Variants in GCM1 observed in about 807,000 individuals in gnomAD.
GCM1 encodes the protein GCM transcription factor 1.
In GCM1, 2 loss-of-function variants were observed where a neutral mutation model predicts 25.7. The observed-to-expected ratio is 0.08, with a 90% CI of 0.03 to 0.24. The LOEUF (loss-of-function observed/expected upper bound fraction) is 0.24. Among genes scored for constraint, GCM1 ranks in the 10% least tolerant of loss-of-function variants. The pLI, the probability that GCM1 is intolerant of heterozygous loss-of-function variation, is 1.00. For synonymous variants in GCM1, 183 were observed against 195.7 expected, an observed-to-expected ratio of 0.94 and a Z score of 0.54; for missense variants, 395 against 538.7, an observed-to-expected ratio of 0.73 and a Z score of 2.64.
chr6:53,145,413 C>G (rs1445768153), intron 2 of GCM1, 145 bp downstream of exon 2: 1 of 661,398 alleles, frequency 1.5e-6, no homozygotes, highest in Non-Finnish European at 2.7e-6. Context: ...CTTAAAATCC[C>G]TCAGTCGGCT....
chr6:53,128,842 G>A lies in GCM1; in HGVS notation c.675C>T (p.Asn225=), dbSNP rs1475550428. Residue 225 remains asparagine (N), a synonymous_variant, in exon 6 of 6, where the codon AAC becomes AAT. Coordinates refer to ENST00000259803, the MANE Select transcript of GCM1 (RefSeq NM_003643.4). The part of the protein sequence containing the change: ...PGSYSGHLIA[N]TPQQNSLNDC... ...CATTTAGTGAGTTCTGCTGAGGAGT[G>A]TTAGCTATTAAATGTCCACTGTAAC... 1.9e-6 allele frequency: 3 copies of A among 1,613,006 alleles called. No individual in the cohort carries two copies. The highest frequency in any genetic ancestry group is 2.5e-6 in the Non-Finnish European group (3 of 1,179,056).
In GCM1 at chr6:53,128,927, T is replaced by C; in HGVS notation, c.590A>G (p.Gln197Arg). The change falls in exon 6 of 6, where the codon CAA (glutamine) becomes CGA (arginine). Residue 197 changes from glutamine to arginine, a missense_variant. By Grantham distance (43) the Gln-to-Arg change is conservative. This residue lies in a region of GCM1 where 291 missense variants were observed against 314.6 expected (regional missense o/e 0.92). Coordinates refer to ENST00000259803, the MANE Select transcript of GCM1 (RefSeq NM_003643.4). ...AGTTAAAGGTAAACTCCCCTGACTT[T>C]GTGTTTCACCTGGAAGAGACTGGAA... The part of the protein sequence containing the change: ...TETRSLPGET[Q>R]SQGSLPLTWS... The C allele has an allele frequency of 6.2e-7, 1 of 1,613,372 alleles. No individual in the cohort carries two copies. The highest frequency in any genetic ancestry group is 8.5e-7 in the Non-Finnish European group (1 of 1,179,576).
At chr6:53,144,972 A>AAAG (rs369846842) in intron 2 of GCM1, among the ~76,000 whole-genome samples, 1 of 100,662 alleles carries the variant, frequency 9.9e-6, no homozygotes, top group Admixed American at 8.6e-5. Flanking sequence ...AGAAAGAAAG[A>AAAG]AAATGAAAAG....
At chr6:53,143,496 G>T (rs1763909704) in intron 2 of GCM1, among the ~76,000 whole-genome samples, 2 of 152,142 alleles carry the variant, frequency 1.3e-5, no homozygotes, top group Admixed American at 6.5e-5. Context: ...ACATTGTAAA[G>T]TCTTCTACAT....
rs1179429744 is a variant in GCM1 at position 53,145,715 on chromosome 6, T to C, written c.-83A>G. The stretch of plus-strand genomic sequence containing the variant: ...GAATTTTGTTCTCAAAGGTTCTTGA[T>C]ATAGCTGGATCGGCCCACTCAAGCA... On this transcript the variant is annotated 5_prime_UTR_variant, in exon 2 of 6. In the 5' UTR this introduces an upstream ATG that the reference lacks. Coordinates refer to ENST00000259803, the MANE Select transcript of GCM1 (RefSeq NM_003643.4). The C allele has an allele frequency of 3.0e-5, 24 of 796,218 alleles. No homozygotes were observed. Among genetic ancestry groups the C allele is most frequent in the Non-Finnish European group, 4.2e-5 (19 of 454,480 alleles). 49.3% of individuals were successfully genotyped at this position (796,218 alleles called of 1,614,324 possible).
At chr6:53,136,595 G>GT (rs1394679546) in intron 2 of GCM1, among the ~76,000 whole-genome samples, 2 of 152,174 alleles carry the variant, frequency 1.3e-5, no homozygotes, top group African/African-American at 4.8e-5. Context: ...CAATGTGGTT[G>GT]TAAGAGTCAC....
rs1464078818 is a variant in GCM1, at chr6:53,128,027, T to TC, written c.*178dup. ...CTGGGCAAAAGAGCAAGACTCTGTCTCAAAAAAAAAAAAAAAAAAAAAAAA... is the reference window on the plus strand; with the variant it reads ...CTGGGCAAAAGAGCAAGACTCTGTCTCCAAAAAAAAAAAAAAAAAAAAAAAA... On this transcript the variant is annotated 3_prime_UTR_variant, in exon 6 of 6. Transcript: ENST00000259803. 8 of 98,306 alleles carry TC rather than the reference T, an allele frequency of 8.1e-5. No individual in the cohort carries two copies. Among genetic ancestry groups the TC allele is most frequent in the Non-Finnish European group, 6.3e-5 (4 of 63,414 alleles). The allele number at this position is 98,306 out of a possible 1,614,324, so 6.1% of individuals were successfully genotyped here. A position where few individuals can be genotyped will look rare whatever the true frequency, so the allele number is the denominator to read the frequency against.
Position 53,128,920 on chromosome 6 carries a change from C to T in GCM1, c.597G>A (p.Gln199=), listed in dbSNP as rs753881228. The T allele has an allele frequency of 6.2e-7, 1 of 1,613,428 alleles. No homozygotes were observed. Among genetic ancestry groups the T allele is most frequent in the Non-Finnish European group, 8.5e-7 (1 of 1,179,514 alleles). ...TRSLPGETQS[Q]GSLPLTWSFQ... ...AAGACCAAGTTAAAGGTAAACTCCCCTGACTTTGTGTTTCACCTGGAAGAG... is the reference window on the plus strand; with the variant it reads ...AAGACCAAGTTAAAGGTAAACTCCCTTGACTTTGTGTTTCACCTGGAAGAG... Residue 199 remains glutamine, a synonymous_variant, in exon 6 of 6, where the codon CAG becomes CAA. Coordinates refer to ENST00000259803, the MANE Select transcript of GCM1 (RefSeq NM_003643.4).
Position 53,130,940 on chromosome 6 carries a change from A to G in GCM1, c.442-9T>C, listed in dbSNP as rs1265285718. ...TCATGCTCTCCCTTTGACTTAAATGAGACAAGGAAGTAGAAAGGAAATGAT... is the reference window on the plus strand; with the variant it reads ...TCATGCTCTCCCTTTGACTTAAATGGGACAAGGAAGTAGAAAGGAAATGAT... On this transcript the variant is annotated splice_polypyrimidine_tract_variant and intron_variant, in intron 4 of 5. Coordinates refer to ENST00000259803, the MANE Select transcript of GCM1 (RefSeq NM_003643.4). 1 of 1,611,056 alleles carries G rather than the reference A, an allele frequency of 6.2e-7. No homozygotes were observed. The highest frequency in any genetic ancestry group is 2.2e-5 in the East Asian group (1 of 44,872).
chr6:53,147,828 A>G (rs538947848), intron 1 of GCM1, among the ~76,000 whole-genome samples: 95 of 152,358 alleles, frequency 6.2e-4, no homozygotes, highest in Non-Finnish European at 1.2e-3. Context: ...TGACCTGAAC[A>G]TAAGAATGAA....
chr6:53,129,712 T>C (rs943761658), intron 5 of GCM1, among the ~76,000 whole-genome samples: 1 of 152,244 alleles, frequency 6.6e-6, no homozygotes, highest in Non-Finnish European at 1.5e-5. Flanking sequence ...TTCTATTTCT[T>C]AGTGCTGGTT....
intron 5 of GCM1, among the ~76,000 whole-genome samples, chr6:53,130,219 T>C (rs1763704593): frequency 6.6e-6 from 1 of 152,138 alleles, no homozygotes; most frequent in South Asian, 2.1e-4. Context: ...AGAAAAAGTA[T>C]AGGAACTACT....
intron 4 of GCM1, 33 bp downstream of exon 4, chr6:53,131,974 G>GA: frequency 8.3e-7 from 1 of 1,198,942 alleles, no homozygotes; most frequent in East Asian, 2.3e-5. Flanking sequence ...CCTCAGTAAT[G>GA]AAACTCTCAC....
At chr6:53,148,265 A>G (rs2127511992) in intron 1 of GCM1, among the ~76,000 whole-genome samples, 1 of 152,348 alleles carries the variant, frequency 6.6e-6, no homozygotes, top group African/African-American at 2.4e-5. Flanking sequence ...AAATTTTGTT[A>G]TAACTAATTG....
At chr6:53,129,493 C>T (rs1002033508) in intron 5 of GCM1, among the ~76,000 whole-genome samples, 2 of 152,152 alleles carry the variant, frequency 1.3e-5, no homozygotes, top group Non-Finnish European at 2.9e-5. Flanking sequence ...AGGCTGGTCT[C>T]GAACTCCTGA....
At position 53,130,819 on chromosome 6, in the gene GCM1, C is replaced by G. The variant is rs377606528; in HGVS notation, c.554G>C (p.Gly185Ala). ...AAGGATTACCCTGGTCTCTGTGCTC[C>G]CCTTCAGGCTCAATGAGACGGAGGA... ...APSSVSLSLK[G>A]STETRSLPGE... Residue 185 changes from glycine to alanine, a missense_variant, in exon 5 of 6, where the codon GGG (glycine) becomes GCG (alanine). Physicochemically the swap from Gly to Ala is moderately conservative, Grantham distance 60. Coordinates refer to ENST00000259803, the MANE Select transcript of GCM1 (RefSeq NM_003643.4). The G allele has an allele frequency of 6.8e-6, 11 of 1,613,806 alleles. 1 individual carries two copies. The highest frequency in any genetic ancestry group is 2.2e-5 in the South Asian group (2 of 91,066).
chr6:53,145,104 T>A (rs891029419), intron 2 of GCM1, among the ~76,000 whole-genome samples: 3 of 152,110 alleles, frequency 2.0e-5, no homozygotes, highest in Non-Finnish European at 4.4e-5. Context: ...AAGAGCATGC[T>A]GTATTCCACA....
chr6:53,134,150 G>C lies in GCM1; in HGVS notation c.250C>G (p.Arg84Gly). ...KSCLGVVVCG[R>G]DCLAEEGRKI... ...CGCCCCTCCTCTGCGAGACAGTCGC[G>C]GCCGCACACCACCACACCCAGGCAG... Residue 84 changes from arginine to glycine, a missense_variant, in exon 3 of 6, where the codon CGC becomes GGC. By Grantham distance (125) the Arg-to-Gly change is moderately radical. Around this residue, in one of 5 missense-constraint regions of GCM1, gnomAD observed 21 missense variants for 22.9 expected, o/e 0.92. Transcript: ENST00000259803. The C allele has an allele frequency of 9.3e-6, 15 of 1,614,054 alleles. No homozygotes were observed. Among genetic ancestry groups the C allele is most frequent in the Non-Finnish European group, 1.3e-5 (15 of 1,179,994 alleles).
At chr6:53,142,544 A>T (rs1029727882) in intron 2 of GCM1, among the ~76,000 whole-genome samples, 4 of 152,172 alleles carry the variant, frequency 2.6e-5, no homozygotes, top group African/African-American at 9.6e-5. Context: ...GAATATATTT[A>T]GGGAACACTA....
Sources: gnomAD v4.1 joint callset for allele counts (sites outside exome capture counted in the v4.1 genomes callset) on GRCh38, gnomAD v4.1.1 for gene constraint, gnomAD v4.1.1 regional missense constraint, MANE v1.5 for transcripts, NCBI Gene and HGNC (gene_info 2026-07-23, HGNC 2026-07-21) for gene names.